NAALADL2: variants seen among roughly 807,000 people sequenced by gnomAD.
The protein encoded by NAALADL2 is N-acetylated alpha-linked acidic dipeptidase like 2.
Under a neutral mutation model 87.2 loss-of-function variants are expected in NAALADL2, and 76 were observed. The observed-to-expected ratio is 0.87, with a 90% CI of 0.72 to 1.05. The LOEUF (loss-of-function observed/expected upper bound fraction) is 1.05. NAALADL2 is among the 50% of genes least tolerant of loss of function. The pLI is 0.00. For synonymous variants in NAALADL2, 354 were observed against 331.0 expected, an observed-to-expected ratio of 1.07 and a Z score of -0.75; for missense variants, 1,089 against 945.8, an observed-to-expected ratio of 1.15 and a Z score of -1.99.
chr3:174,693,329 G>A (rs1024475809), intron 2 of NAALADL2, among the ~76,000 whole-genome samples: 10 of 152,066 alleles, frequency 6.6e-5, no homozygotes, highest in African/African-American at 2.2e-4. Flanking sequence ...TGGTAGAAGT[G>A]GACCATAGGG....
At position 174,887,056 on chromosome 3, in the gene NAALADL2, T is replaced by C. The variant is rs574011543; in HGVS notation, c.43+27606T>C. On this transcript the variant is annotated intron_variant, in intron 1 of 13. Transcript: ENST00000454872. The stretch of plus-strand genomic sequence containing the variant: ...TCTTCAATTAGTACCAAAACTCTGA[T>C]GCTGTAGCTTATATAAGGAGCTTCC... 2.9e-3 allele frequency among the ~76,000 whole-genome samples: 449 copies of C among 152,344 alleles called. 8 individuals carry two copies. The highest frequency in any genetic ancestry group is 2.5e-3 in the Non-Finnish European group (167 of 68,034).
intron 1 of NAALADL2, among the ~76,000 whole-genome samples, chr3:174,963,626 T>G (rs924801521): frequency 3.9e-5 from 6 of 152,188 alleles, no homozygotes; most frequent in Admixed American, 2.6e-4. Flanking sequence ...GTTTCATGCC[T>G]GTGTCCGCCA....
intron 1 of NAALADL2, among the ~76,000 whole-genome samples, chr3:175,037,162 G>C (rs1263416018): frequency 1.3e-5 from 2 of 152,140 alleles, no homozygotes; most frequent in African/African-American, 4.8e-5. Flanking sequence ...CAAACAGAGA[G>C]AGTGAAAACT....
chr3:174,921,822 GAAAAAGA>G (rs1735251798), intron 1 of NAALADL2, among the ~76,000 whole-genome samples: 1 of 65,466 alleles, frequency 1.5e-5, no homozygotes, highest in African/African-American at 8.9e-5. Context: ...AAAAAAAAAA[GAAAAAGA>G]AAAAGAAAAG....
intron 1 of NAALADL2, among the ~76,000 whole-genome samples, chr3:175,044,281 A>G (rs933269841): frequency 6.6e-6 from 1 of 152,112 alleles, no homozygotes; most frequent in Non-Finnish European, 1.5e-5. Flanking sequence ...CTATTTTTGG[A>G]CTAGTATCAG....
chr3:175,085,744 C>G (rs928715046), intron 1 of NAALADL2, among the ~76,000 whole-genome samples: 1 of 152,014 alleles, frequency 6.6e-6, no homozygotes, highest in Non-Finnish European at 1.5e-5. Context: ...ATGGTGAAAC[C>G]CTGTCTCTAC....
chr3:174,644,716 C>T (rs964437583), intron 2 of NAALADL2, among the ~76,000 whole-genome samples: 1 of 152,152 alleles, frequency 6.6e-6, no homozygotes, highest in African/African-American at 2.4e-5. Context: ...TTATGAGTTG[C>T]AGATGGGATT....
At chr3:174,753,168 A>C (rs1310554044) in intron 3 of NAALADL2, among the ~76,000 whole-genome samples, 1 of 151,898 alleles carries the variant, frequency 6.6e-6, no homozygotes. Flanking sequence ...CAGTGGCTTC[A>C]TCTCAAGCGA....
intron 4 of NAALADL2, among the ~76,000 whole-genome samples, chr3:175,318,974 TTATA>T (rs1759498863): frequency 7.0e-6 from 1 of 143,292 alleles, no homozygotes; most frequent in Non-Finnish European, 1.5e-5. Flanking sequence ...TTATATTCTA[TTATA>T]TTTTTATATA....
intron 2 of NAALADL2, among the ~76,000 whole-genome samples, chr3:175,123,679 G>A (rs1726488787): frequency 6.6e-6 from 1 of 151,806 alleles, no homozygotes; most frequent in African/African-American, 2.4e-5. Flanking sequence ...CCCCTCTTCT[G>A]TATCTCTAGT....
At chr3:175,078,434 A>T (rs1489188945) in intron 1 of NAALADL2, among the ~76,000 whole-genome samples, 1 of 152,194 alleles carries the variant, frequency 6.6e-6, no homozygotes, top group East Asian at 1.9e-4. Flanking sequence ...GATATAAATT[A>T]AAAACCATAA....
intron 1 of NAALADL2, among the ~76,000 whole-genome samples, chr3:174,446,678 A>G (rs1577930427): frequency 6.6e-6 from 1 of 152,172 alleles, no homozygotes; most frequent in South Asian, 2.1e-4. Context: ...CCTGTATCCT[A>G]GTCTCCACCT....
intron 2 of NAALADL2, among the ~76,000 whole-genome samples, chr3:174,698,308 A>G (rs1057209795): frequency 6.6e-6 from 1 of 151,786 alleles, no homozygotes; most frequent in Middle Eastern, 3.2e-3. Context: ...ACTCTCATAG[A>G]TTTTATCTGA....
chr3:175,123,402 A>G (rs1400247264), intron 2 of NAALADL2, among the ~76,000 whole-genome samples: 2 of 151,976 alleles, frequency 1.3e-5, no homozygotes, highest in Non-Finnish European at 2.9e-5. Context: ...ACTTCCGAGT[A>G]CTTGGCATAG....
intron 6 of NAALADL2, 83 bp downstream of exon 6, chr3:175,447,455 T>A (rs764822885): frequency 4.4e-5 from 40 of 914,210 alleles, no homozygotes; most frequent in Middle Eastern, 2.5e-4. Context: ...TTGATGTATG[T>A]AGGATTATTC....
intron 2 of NAALADL2, among the ~76,000 whole-genome samples, chr3:174,641,277 C>G (rs762448822): frequency 6.6e-6 from 1 of 152,166 alleles, no homozygotes; most frequent in Non-Finnish European, 1.5e-5. Context: ...TGGCTGACAC[C>G]TTGAGTGCAG....
chr3:175,225,356 G>A (rs1581005936), intron 2 of NAALADL2, among the ~76,000 whole-genome samples: 1 of 152,036 alleles, frequency 6.6e-6, no homozygotes, highest in Non-Finnish European at 1.5e-5. Context: ...TATTTACTTA[G>A]TAAAAAATAT....
chr3:175,077,590 A>T (rs111305449), intron 1 of NAALADL2, among the ~76,000 whole-genome samples: 4,830 of 152,254 alleles, frequency 0.032, 246 homozygotes, highest in African/African-American at 0.11. Flanking sequence ...TGAGCTTTTT[A>T]ATATATTTAC....
At chr3:175,795,268 A>G (rs999457011) in intron 13 of NAALADL2, among the ~76,000 whole-genome samples, 1 of 152,178 alleles carries the variant, frequency 6.6e-6, no homozygotes, top group African/African-American at 2.4e-5. Flanking sequence ...CTTTTAATAA[A>G]TCAGTACAGA....
Sources: allele counts gnomAD v4.1 joint callset (sites outside exome capture counted in the v4.1 genomes callset), GRCh38; gene constraint gnomAD v4.1.1; transcripts MANE v1.5; gene names NCBI Gene and HGNC (gene_info 2026-07-23, HGNC 2026-07-21).